Variants in EFCAB6 observed in about 807,000 individuals in gnomAD.
EFCAB6 encodes EF-hand calcium binding domain 6.
EFCAB6 carries 156 observed loss-of-function variants against 169.8 expected under a neutral mutation model. That is an observed-to-expected ratio of 0.92 (90% CI 0.81 to 1.05). EFCAB6 has a LOEUF of 1.05. Ranked by LOEUF, EFCAB6 falls within the 50% of genes least tolerant of loss-of-function variation. EFCAB6 has a pLI of 0.00. For missense variants in EFCAB6, 1,800 were observed against 1,829.1 expected (o/e 0.98, Z 0.29); for synonymous variants, 698 against 676.4 (o/e 1.03, Z -0.50).
At chr22:43,614,890 A>G (rs915210904) in intron 21 of EFCAB6, among the ~76,000 whole-genome samples, 1 of 148,652 alleles carries the variant, frequency 6.7e-6, no homozygotes, top group Non-Finnish European at 1.5e-5. Context: ...CAGACAGTCC[A>G]CTCTATGGAG....
intron 10 of EFCAB6, 29 bp downstream of exon 10, chr22:43,711,446 A>C (rs1206057333): frequency 6.5e-7 from 1 of 1,537,124 alleles, no homozygotes; most frequent in East Asian, 2.3e-5. Flanking sequence ...TTGGGGAAAA[A>C]AATGTCAAGG....
chr22:43,685,665 G>A (rs560998287), intron 11 of EFCAB6, among the ~76,000 whole-genome samples: 73 of 152,294 alleles, frequency 4.8e-4, no homozygotes, highest in Middle Eastern at 3.4e-3. Context: ...GATTTTGATT[G>A]ATCTTGCAAA....
At chr22:43,749,074 T>A (rs1369583894) in intron 6 of EFCAB6, among the ~76,000 whole-genome samples, 1 of 152,092 alleles carries the variant, frequency 6.6e-6, no homozygotes, top group Non-Finnish European at 1.5e-5. Flanking sequence ...TAGGGATGGA[T>A]CAGAAGTGTC....
At chr22:43,765,639 A>T (rs1257930387) in intron 4 of EFCAB6, among the ~76,000 whole-genome samples, 1 of 152,164 alleles carries the variant, frequency 6.6e-6, no homozygotes, top group African/African-American at 2.4e-5. Flanking sequence ...AAGTCGAGTT[A>T]TCTACAAAAT....
At chr22:43,689,320 G>A (rs1375728290) in intron 10 of EFCAB6, among the ~76,000 whole-genome samples, 1 of 149,934 alleles carries the variant, frequency 6.7e-6, no homozygotes, top group Non-Finnish European at 1.5e-5. Flanking sequence ...CCACGCGAGG[G>A]AGAGTGGGCC....
chr22:43,534,942 ACAC>A, intron 29 of EFCAB6, 70 bp from the exon 30 acceptor site: 1 of 1,499,030 alleles, frequency 6.7e-7, no homozygotes, highest in Non-Finnish European at 9.0e-7. Flanking sequence ...CATTCATTCA[ACAC>A]TTGCTGAGAC....
chr22:43,593,392 C>T (rs1343563622), intron 23 of EFCAB6, among the ~76,000 whole-genome samples: 1 of 152,084 alleles, frequency 6.6e-6, no homozygotes, highest in African/African-American at 2.4e-5. Flanking sequence ...CTGGGAGTTC[C>T]CAGGATGCAC....
In EFCAB6 at chr22:43,572,375, G is replaced by A. The variant is rs920191374; in HGVS notation, c.3420+3922C>T. On this transcript the variant is annotated intron_variant, in intron 26 of 31. Transcript: ENST00000262726. This position sits in a 1 kb window ranked among gnomAD's most constrained non-coding sequence, Gnocchi z 4.0. ...CATGAGGACACTCAGGCCTCGCTGAGGGGGGACAGCAGACATGGAGCTTCA... is the reference window on the plus strand; with the variant it reads ...CATGAGGACACTCAGGCCTCGCTGAAGGGGGACAGCAGACATGGAGCTTCA... 6.6e-6 allele frequency among the ~76,000 whole-genome samples: 1 copy of A among 152,206 alleles called. No homozygotes were observed. Among genetic ancestry groups the A allele is most frequent in the African/African-American group, 2.4e-5 (1 of 41,444 alleles).
chr22:43,737,453 TACAC>T (rs907695224), intron 6 of EFCAB6, among the ~76,000 whole-genome samples: 3 of 136,792 alleles, frequency 2.2e-5, no homozygotes, highest in Non-Finnish European at 3.1e-5. Flanking sequence ...CATATATTCA[TACAC>T]ACACACCCCT....
chr22:43,778,020 A>G (rs2061694664), intron 3 of EFCAB6, among the ~76,000 whole-genome samples: 1 of 152,216 alleles, frequency 6.6e-6, no homozygotes, highest in Admixed American at 6.5e-5. Flanking sequence ...AGGATAAGCT[A>G]AAATATATAT....
chr22:43,791,371 C>CAA (rs34928477), intron 2 of EFCAB6, among the ~76,000 whole-genome samples: 86 of 114,964 alleles, frequency 7.5e-4, no homozygotes, highest in Admixed American at 1.8e-3. Context: ...GAGACTGCCT[C>CAA]AAAAAAAAAA....
rs2058037862 is a variant in EFCAB6 at position 43,682,327 on chromosome 22, T to TA, written c.1251+1419dup. On this transcript the variant is annotated intron_variant, in intron 12 of 31. Transcript: ENST00000262726. Reference sequence around the variant, plus strand: ...GCACGGGGGCCCAGCATGGACTACGTACTCAATTCTTAACCTACACTGTCT... The same window carrying TA: ...GCACGGGGGCCCAGCATGGACTACGTAACTCAATTCTTAACCTACACTGTCT... Among the ~76,000 whole-genome samples the TA allele has an allele frequency of 2.6e-5, 4 of 152,360 alleles. No homozygotes were observed. In the South Asian group the frequency reaches 6.2e-4, roughly 24 times the overall value.
At chr22:43,536,634 G>A (rs2047399062) in intron 29 of EFCAB6, 1 of 152,172 alleles carries the variant, frequency 6.6e-6, no homozygotes, top group Admixed American at 6.5e-5. Flanking sequence ...GAGATCAGGA[G>A]TTTGAGACCA....
intron 10 of EFCAB6, among the ~76,000 whole-genome samples, chr22:43,700,139 C>G (rs2058713916): frequency 6.6e-6 from 1 of 152,066 alleles, no homozygotes; most frequent in Non-Finnish European, 1.5e-5. Flanking sequence ...TAAAGTCTAC[C>G]CTTTTATTAA....
intron 26 of EFCAB6, among the ~76,000 whole-genome samples, chr22:43,567,861 C>G (rs1429208570): frequency 2.0e-5 from 3 of 152,190 alleles, no homozygotes; most frequent in Non-Finnish European, 4.4e-5. Context: ...GGCTCAGTTC[C>G]AAGCTCCTGC....
chr22:43,672,946 T>A (rs1389962727), intron 13 of EFCAB6, among the ~76,000 whole-genome samples: 1 of 152,062 alleles, frequency 6.6e-6, no homozygotes, highest in Non-Finnish European at 1.5e-5. Context: ...AAAAAACCCA[T>A]CACCTAGAAA....
At chr22:43,690,215 C>T (rs1460252931) in intron 10 of EFCAB6, among the ~76,000 whole-genome samples, 1 of 152,018 alleles carries the variant, frequency 6.6e-6, no homozygotes, top group Admixed American at 6.6e-5. Context: ...AAATGTAAAT[C>T]CGGGCTGGGC....
intron 6 of EFCAB6, among the ~76,000 whole-genome samples, chr22:43,741,585 T>C (rs1451636366): frequency 6.6e-6 from 1 of 152,158 alleles, no homozygotes; most frequent in Non-Finnish European, 1.5e-5. Flanking sequence ...TTCTTCCTCC[T>C]TTGAAATGTA....
intron 18 of EFCAB6, among the ~76,000 whole-genome samples, chr22:43,634,637 A>G (rs896681506): frequency 7.4e-6 from 1 of 135,026 alleles, no homozygotes; most frequent in African/African-American, 2.7e-5. Context: ...GCCCCAGGAC[A>G]CTGCACAAAG....
Sources: allele counts gnomAD v4.1 joint callset (sites outside exome capture counted in the v4.1 genomes callset), GRCh38; gene constraint gnomAD v4.1.1; non-coding constraint Gnocchi (gnomAD v3.1); transcripts MANE v1.5; gene names NCBI Gene and HGNC (gene_info 2026-07-23, HGNC 2026-07-21).